Variants in NEBL observed in about 807,000 individuals in gnomAD.
NEBL encodes the protein nebulette, also known as LIM and SH3 protein 2.
NEBL carries 122 observed loss-of-function variants against 140.2 expected under a neutral mutation model. The ratio of observed to expected loss-of-function variants is 0.87; its 90% confidence interval spans 0.75 to 1.01. The LOEUF (loss-of-function observed/expected upper bound fraction) is 1.01, where lower values mean the gene tolerates loss of function less well. Ranked by LOEUF, NEBL falls within the 50% of genes least tolerant of loss-of-function variation. The probability of loss-of-function intolerance (pLI) is 0.00; values close to 1 mark genes in which losing one functional copy is unlikely to be tolerated. For synonymous variants in NEBL, 436 were observed against 398.9 expected (o/e 1.09, Z -1.11); for missense variants, 1,365 against 1,231.3 (o/e 1.11, Z -1.62).
chr10:20,872,923 C>T (rs1446764536), intron 5 of NEBL, among the ~76,000 whole-genome samples: 1 of 152,202 alleles, frequency 6.6e-6, no homozygotes, highest in Non-Finnish European at 1.5e-5. Context: ...CAACCAGCAG[C>T]CTTCGGGGCT....
chr10:21,244,468 A>T (rs1411677435), intron 3 of NEBL, among the ~76,000 whole-genome samples: 1 of 151,934 alleles, frequency 6.6e-6, no homozygotes, highest in Non-Finnish European at 1.5e-5. Context: ...CCTGGCTAAC[A>T]TGGTGAAACC....
chr10:21,183,828 G>C (rs953607248), intron 3 of NEBL, among the ~76,000 whole-genome samples: 9 of 152,168 alleles, frequency 5.9e-5, no homozygotes, highest in African/African-American at 2.2e-4. Flanking sequence ...GAAGGACCCA[G>C]TGAAAGGTAA....
intron 26 of NEBL, among the ~76,000 whole-genome samples, chr10:20,796,850 T>G (rs1431806012): frequency 6.6e-6 from 1 of 151,994 alleles, no homozygotes; most frequent in African/African-American, 2.4e-5. Context: ...AATTATAGAG[T>G]CTTTAATAAT....
intron 2 of NEBL, among the ~76,000 whole-genome samples, chr10:21,160,124 G>C (rs1840496127): frequency 1.3e-5 from 2 of 152,042 alleles, no homozygotes; most frequent in South Asian, 4.2e-4. Context: ...TCAGAGTAAA[G>C]GTTCTTTTAC....
At chr10:21,120,643 T>C (rs1838523455) in intron 2 of NEBL, among the ~76,000 whole-genome samples, 1 of 141,124 alleles carries the variant, frequency 7.1e-6, no homozygotes, top group South Asian at 2.2e-4. Context: ...TCTATATTTA[T>C]TGGGGATTGG....
intron 20 of NEBL, 74 bp downstream of exon 20, chr10:20,819,350 C>T: frequency 1.2e-6 from 2 of 1,607,548 alleles, no homozygotes; most frequent in Non-Finnish European, 1.7e-6. Context: ...GGATAATGGC[C>T]TTCCAAAGGG....
upstream of NEBL, chr10:21,174,411 G>A (rs1012396289): frequency 1.3e-5 from 2 of 152,556 alleles, no homozygotes; most frequent in Admixed American, 1.3e-4. Flanking sequence ...CCAGGCGGGG[G>A]AGGTGACAAA....
At chr10:21,094,539 A>C (rs1162223717) in intron 2 of NEBL, among the ~76,000 whole-genome samples, 3 of 144,148 alleles carry the variant, frequency 2.1e-5, no homozygotes, top group African/African-American at 5.2e-5. Context: ...AAAATTAGCC[A>C]GATGTGGTGG....
At chr10:20,903,523 C>T (rs951024553) in intron 4 of NEBL, among the ~76,000 whole-genome samples, 4 of 151,968 alleles carry the variant, frequency 2.6e-5, no homozygotes, top group African/African-American at 9.7e-5. Context: ...GGGTATCTAC[C>T]CAAAAGAAAA....
At position 21,264,696 on chromosome 10, in the gene NEBL, T is replaced by TAAAAAAAAA. The variant is rs71392177; in HGVS notation, n.183-12877_183-12869dup. ...CCCTTAATTTGTTCCAGTTGCTATTTAAAAAAAAAAAAAAAAAAAAAAAAA... is the reference window on the plus strand; with the variant it reads ...CCCTTAATTTGTTCCAGTTGCTATTTAAAAAAAAAAAAAAAAAAAAAAAAAAAAAAAAAA... On this transcript the variant is annotated intron_variant and non_coding_transcript_variant, in intron 1 of 8. Coordinates refer to the NEBL transcript ENST00000675702. 9.8e-5 allele frequency among the ~76,000 whole-genome samples: 3 copies of TAAAAAAAAA among 30,724 alleles called. 1 individual carries two copies. The highest frequency in any genetic ancestry group is 4.6e-4 in the Admixed American group (1 of 2,162). 20.2% of individuals were successfully genotyped at this position (30,724 alleles called of 152,430 possible).
At chr10:21,102,106 C>A (rs1016143375) in intron 2 of NEBL, among the ~76,000 whole-genome samples, 1 of 152,222 alleles carries the variant, frequency 6.6e-6, no homozygotes, top group African/African-American at 2.4e-5. Context: ...TGTCAAACAT[C>A]ATTCCTAAGG....
chr10:21,108,041 A>G (rs1046085768), intron 2 of NEBL, among the ~76,000 whole-genome samples: 2 of 151,794 alleles, frequency 1.3e-5, no homozygotes, highest in African/African-American at 4.8e-5. Flanking sequence ...TATTGCATCT[A>G]TTTGATTCTT....
In NEBL at chr10:20,817,668, G is replaced by A. The variant is rs114875104; in HGVS notation, c.2080C>T (p.Arg694Trp). 1.8e-4 allele frequency: 292 copies of A among 1,613,440 alleles called. No homozygotes were observed. The highest frequency in any genetic ancestry group is 1.8e-3 in the African/African-American group (133 of 74,978). ...GGTGGATCAGAAATTGCAGTTCCCC[G>A]TTGAAGTTCTCCCTTATATTTTACC... ...SAVKYKGELQRGTAISDPPEL... is the reference protein window; with the variant it reads ...SAVKYKGELQWGTAISDPPEL... Residue 694 changes from arginine (R) to tryptophan (W), a missense_variant, in exon 21 of 28, where the codon CGG becomes TGG. Arg to Trp is a moderately radical substitution (Grantham distance 101, BLOSUM62 -3). Coordinates refer to ENST00000377122, the MANE Select transcript of NEBL (RefSeq NM_006393.3).
chr10:20,854,518 G>A lies in NEBL; in HGVS notation c.904-1869C>T, dbSNP rs1306855883. On this transcript the variant is annotated intron_variant, in intron 9 of 27. Transcript: ENST00000377122. Reference sequence around the variant, plus strand: ...AACCTAACCAGAATAAAATCAGGGAGGAAAGCACCCCCCAGGAAGGACATG... The same window carrying A: ...AACCTAACCAGAATAAAATCAGGGAAGAAAGCACCCCCCAGGAAGGACATG... 3.3e-5 allele frequency among the ~76,000 whole-genome samples: 5 copies of A among 151,344 alleles called. No homozygotes were observed. The East Asian group carries it at 7.8e-4, about 23-fold the overall frequency.
chr10:21,013,310 T>A (rs1000350036), intron 3 of NEBL, among the ~76,000 whole-genome samples: 15 of 152,164 alleles, frequency 9.9e-5, no homozygotes. Flanking sequence ...AAAATAAACA[T>A]GCTGAAGCTT....
intron 5 of NEBL, among the ~76,000 whole-genome samples, chr10:20,873,887 T>C (rs186597368): frequency 6.6e-6 from 1 of 152,312 alleles, no homozygotes; most frequent in Non-Finnish European, 1.5e-5. Flanking sequence ...TATTCCTCCA[T>C]TTCTTCGAAT....
chr10:20,812,483 A>G (rs1422170454), intron 24 of NEBL, among the ~76,000 whole-genome samples: 1 of 67,440 alleles, frequency 1.5e-5, no homozygotes, highest in Admixed American at 1.7e-4. Flanking sequence ...CCCCCACCTC[A>G]CAACAGGCCC....
chr10:21,163,419 T>C (rs1419990678), intron 2 of NEBL, among the ~76,000 whole-genome samples: 1 of 152,228 alleles, frequency 6.6e-6, no homozygotes, highest in East Asian at 1.9e-4. Context: ...CACGTCTTTC[T>C]GCACTGAGGT....
At chr10:20,903,745 C>A (rs1180206949) in intron 4 of NEBL, among the ~76,000 whole-genome samples, 8 of 151,094 alleles carry the variant, frequency 5.3e-5, no homozygotes, top group Non-Finnish European at 8.8e-5. Flanking sequence ...GGCCATTATT[C>A]TAAGTGAAGT....
Sources: allele counts gnomAD v4.1 joint callset (sites outside exome capture counted in the v4.1 genomes callset), GRCh38; gene constraint gnomAD v4.1.1; transcripts MANE v1.5; gene names NCBI Gene and HGNC (gene_info 2026-07-23, HGNC 2026-07-21).